TTLL11: variants seen among roughly 807,000 people sequenced by gnomAD.
TTLL11 encodes the protein tubulin polyglutamylase TTLL11.
Under a neutral mutation model 51.7 loss-of-function variants are expected in TTLL11, and 42 were observed. The observed-to-expected ratio is 0.81, with a 90% CI of 0.64 to 1.05. TTLL11 has a LOEUF of 1.05. TTLL11 is among the 50% of genes least tolerant of loss of function. The probability of loss-of-function intolerance (pLI) is 0.00; values close to 1 mark genes in which losing one functional copy is unlikely to be tolerated. For synonymous variants in TTLL11, 381 were observed against 383.5 expected (o/e 0.99, Z 0.08); for missense variants, 799 against 940.4 (o/e 0.85, Z 1.97).
At chr9:121,991,312 C>T (rs1329851094) in intron 3 of TTLL11, among the ~76,000 whole-genome samples, 1 of 152,244 alleles carries the variant, frequency 6.6e-6, no homozygotes, top group Non-Finnish European at 1.5e-5. Flanking sequence ...TGGAGAAACA[C>T]TTAAAGCCTT....
In TTLL11 at chr9:121,989,662, T is replaced by C; in HGVS notation, c.802A>G (p.Ile268Val). 6.2e-7 allele frequency: 1 copy of C among 1,614,116 alleles called. No individual in the cohort carries two copies. The highest frequency in any genetic ancestry group is 2.2e-5 in the East Asian group (1 of 44,868). The change falls in exon 4 of 9, where the codon ATC (isoleucine) becomes GTC (valine). Residue 268 changes from isoleucine (I) to valine (V), a missense_variant. By Grantham distance (29) the Ile-to-Val change is conservative (BLOSUM62 3). Transcript: ENST00000321582. The surrounding 1 kb of genome is among the most constrained non-coding windows in gnomAD (Gnocchi z 4.2). ...GIYLIKDPSD[I>V]RLAGTLQSRP... ...CTCTGGAGGGTCCCTGCCAGGCGGA[T>C]GTCACTGGGGTCTTTAATGAGGTAG...
chr9:121,827,403 T>C (rs947804083), intron 8 of TTLL11, among the ~76,000 whole-genome samples: 2 of 152,068 alleles, frequency 1.3e-5, no homozygotes, highest in Non-Finnish European at 2.9e-5. Flanking sequence ...GGACGGGAAG[T>C]ACCTGAGGCC....
At chr9:122,048,501 T>C (rs1845077184) in intron 1 of TTLL11, among the ~76,000 whole-genome samples, 1 of 152,086 alleles carries the variant, frequency 6.6e-6, no homozygotes, top group Non-Finnish European at 1.5e-5. Context: ...TCTGACCATA[T>C]TGCTCCTTTG....
intron 6 of TTLL11, among the ~76,000 whole-genome samples, chr9:121,880,361 T>C (rs1359692020): frequency 6.6e-6 from 1 of 152,160 alleles, no homozygotes; most frequent in African/African-American, 2.4e-5. Context: ...TCCCTCCTTT[T>C]ATAAATGATC....
chr9:122,051,036 A>C (rs1023566095), intron 1 of TTLL11, among the ~76,000 whole-genome samples: 8 of 152,220 alleles, frequency 5.3e-5, no homozygotes, highest in Admixed American at 5.2e-4. Flanking sequence ...ACAGCAATAG[A>C]TAATGAATGC....
chr9:122,067,893 A>G lies in TTLL11; in HGVS notation c.462+24794T>C, dbSNP rs189946697. Among the ~76,000 whole-genome samples the G allele has an allele frequency of 5.9e-5, 9 of 152,344 alleles. No individual in the cohort carries two copies. The East Asian group carries it at 1.5e-3, about 26-fold the overall frequency. On this transcript the variant is annotated intron_variant, in intron 1 of 8. Transcript: ENST00000321582. ...CAAGTCCTAATTCTTTCACTCCACA[A>G]TAGTTACCAGAGTGAAAACATTCCA...
intron 6 of TTLL11, among the ~76,000 whole-genome samples, chr9:121,955,490 T>A (rs1841991122): frequency 6.6e-6 from 1 of 152,224 alleles, no homozygotes; most frequent in African/African-American, 2.4e-5. Flanking sequence ...TTAAGAACTA[T>A]CATTCATGTA....
At chr9:121,982,631 GA>G (rs1402422585) in intron 4 of TTLL11, among the ~76,000 whole-genome samples, 2 of 146,818 alleles carry the variant, frequency 1.4e-5, no homozygotes, top group Non-Finnish European at 3.0e-5. Flanking sequence ...TGGGGCAGGA[GA>G]ATCGCTTGAA....
intron 8 of TTLL11, among the ~76,000 whole-genome samples, chr9:121,827,179 T>G (rs187012347): frequency 6.4e-4 from 98 of 152,308 alleles, no homozygotes; most frequent in Non-Finnish European, 1.2e-3. Flanking sequence ...TCTTGTTTTA[T>G]TTCTTAAGTG....
chr9:121,833,292 G>A lies in TTLL11; in HGVS notation c.1841-10413C>T, dbSNP rs956416596. ...GACCGCCTCTTGGATATTAAGAGGC[G>A]GCCCCTGACAAACGATGGCCTCATT... is the stretch of plus-strand genomic sequence containing the variant. On this transcript the variant is annotated intron_variant, in intron 8 of 8. Transcript: ENST00000321582. Among the ~76,000 whole-genome samples, 4 of 152,122 alleles carry A rather than the reference G, an allele frequency of 2.6e-5. No individual in the cohort carries two copies. The South Asian group carries it at 6.2e-4, about 24-fold the overall frequency.
intron 1 of TTLL11, chr9:122,040,272 G>T: frequency 1.2e-6 from 1 of 862,830 alleles, no homozygotes; most frequent in Non-Finnish European, 1.4e-6. Context: ...GCGTGAGCCT[G>T]TAAGATAGCC....
At chr9:121,846,024 A>G (rs77560844) in intron 8 of TTLL11, among the ~76,000 whole-genome samples, 1,678 of 151,838 alleles carry the variant, frequency 0.011, 32 homozygotes, top group African/African-American at 0.037. Flanking sequence ...GCTTAAAGAT[A>G]AAAAGAAACA....
chr9:121,893,592 C>A (rs899559500), intron 6 of TTLL11, among the ~76,000 whole-genome samples: 1 of 152,126 alleles, frequency 6.6e-6, no homozygotes, highest in African/African-American at 2.4e-5. Context: ...CATGTCCTTT[C>A]CCCACTCTGC....
rs1384603109 is a variant in TTLL11 at position 121,890,058 on chromosome 9, T to TATTC, written c.1482-19314_1482-19311dup. On this transcript the variant is annotated intron_variant, in intron 6 of 8. Coordinates refer to ENST00000321582, the MANE Select transcript of TTLL11 (RefSeq NM_001139442.2). The surrounding 1 kb of genome is among the most constrained non-coding windows in gnomAD (Gnocchi z 4.3). ...CTTCCTTTTAAAGGCTGAGTCTGTT[T>TATTC]ATTCATTCATTCATTCATTCATGGA... 9.8e-5 allele frequency among the ~76,000 whole-genome samples: 15 copies of TATTC among 152,348 alleles called. No individual in the cohort carries two copies. The highest frequency in any genetic ancestry group is 3.9e-4 in the East Asian group (2 of 5,188).
intron 8 of TTLL11, among the ~76,000 whole-genome samples, chr9:121,826,814 G>A (rs1006783467): frequency 2.6e-5 from 4 of 151,966 alleles, no homozygotes; most frequent in African/African-American, 9.7e-5. Flanking sequence ...TGACAGTGGG[G>A]CCTTGCAGAA....
At chr9:121,959,227 C>G (rs1488243254) in intron 6 of TTLL11, among the ~76,000 whole-genome samples, 4 of 152,112 alleles carry the variant, frequency 2.6e-5, no homozygotes, top group Non-Finnish European at 5.9e-5. Context: ...GTCCTGGGTT[C>G]ACCCCACTTC....
intron 8 of TTLL11, among the ~76,000 whole-genome samples, chr9:121,849,116 T>C (rs1489177737): frequency 1.3e-5 from 2 of 152,236 alleles, no homozygotes; most frequent in Admixed American, 6.5e-5. Flanking sequence ...AACTGATCTT[T>C]GACACAGGAG....
intron 4 of TTLL11, among the ~76,000 whole-genome samples, chr9:121,984,979 T>A (rs1470236949): frequency 6.6e-6 from 1 of 152,126 alleles, no homozygotes; most frequent in East Asian, 1.9e-4. Flanking sequence ...CAGGCTGGAA[T>A]GACAGGGAAG....
rs1491307393 is a variant in TTLL11 at position 121,899,366 on chromosome 9, T to TGTATATATATACATATAC, written c.1482-28619_1482-28618insGTATATGTATATATATAC. ...CTGTGTGTGTGTGTATGTGTGTGTG[T>TGTATATATATACATATAC]ATATATATATACATATATATATATA... On this transcript the variant is annotated intron_variant, in intron 6 of 8. Transcript: ENST00000321582. 1.7e-4 allele frequency among the ~76,000 whole-genome samples: 11 copies of TGTATATATATACATATAC among 66,196 alleles called. No individual in the cohort carries two copies. The Admixed American group carries it at 2.5e-3, about 15-fold the overall frequency. The allele number at this position is 66,196 out of a possible 152,430, so 43.4% of individuals were successfully genotyped here.
Sources: gnomAD v4.1 joint callset for allele counts (sites outside exome capture counted in the v4.1 genomes callset) on GRCh38, gnomAD v4.1.1 for gene constraint, Gnocchi (gnomAD v3.1) non-coding constraint, MANE v1.5 for transcripts, NCBI Gene and HGNC (gene_info 2026-07-23, HGNC 2026-07-21) for gene names.